The following CEP128 variants were observed in gnomAD, a reference collection of about 807,000 sequenced individuals.
CEP128 encodes the protein centrosomal protein 128kDa.
CEP128 carries 132 observed loss-of-function variants against 156.7 expected under a neutral mutation model. That is an observed-to-expected ratio of 0.84 (90% CI 0.73 to 0.97). The LOEUF is 0.97. Among genes scored for constraint, CEP128 ranks in the 50% least tolerant of loss-of-function variants. CEP128 has a pLI of 0.00. For synonymous variants in CEP128, 469 were observed against 448.9 expected (o/e 1.04, Z -0.57); for missense variants, 1,252 against 1,281.9 (o/e 0.98, Z 0.36).
chr14:80,581,761 G>A (rs1891603115), intron 19 of CEP128, among the ~76,000 whole-genome samples: 1 of 152,178 alleles, frequency 6.6e-6, no homozygotes, highest in Non-Finnish European at 1.5e-5. Context: ...ATCAGGTTCT[G>A]TAGCTATAAG....
At chr14:80,936,757 A>C (rs1159852701) in intron 2 of CEP128, among the ~76,000 whole-genome samples, 1 of 152,216 alleles carries the variant, frequency 6.6e-6, no homozygotes, top group African/African-American at 2.4e-5. Flanking sequence ...AATTCACAGA[A>C]ATCAAATGAC....
chr14:80,549,395 T>C (rs929495539), intron 21 of CEP128, among the ~76,000 whole-genome samples: 3 of 152,212 alleles, frequency 2.0e-5, no homozygotes, highest in Non-Finnish European at 4.4e-5. Context: ...CACCTGATTC[T>C]GGGTCAAAAC....
chr14:80,701,311 A>G (rs1053838987), intron 19 of CEP128, among the ~76,000 whole-genome samples: 1 of 152,124 alleles, frequency 6.6e-6, no homozygotes, highest in Non-Finnish European at 1.5e-5. Flanking sequence ...GAGGGTATGG[A>G]ACAGACTCTC....
intron 19 of CEP128, among the ~76,000 whole-genome samples, chr14:80,733,342 G>A (rs1051528991): frequency 1.5e-4 from 4 of 27,306 alleles, no homozygotes; most frequent in African/African-American, 4.9e-4. Context: ...CATGGGTCGT[G>A]TGTGTGTGTG....
At position 80,785,038 on chromosome 14, in the gene CEP128, G is replaced by T. The variant is rs750252336; in HGVS notation, c.2068C>A (p.Arg690=). 1 of 1,614,156 alleles carries T rather than the reference G, an allele frequency of 6.2e-7. No homozygotes were observed. Among genetic ancestry groups the T allele is most frequent in the Non-Finnish European group, 8.5e-7 (1 of 1,180,002 alleles). ...ATIITQLKLE[R]DVHQRELKDL... ...TTCAGCTCCCTCTGGTGCACATCTC[G>T]TTCCAGCTTTAACTGTGTGATGATT... The change falls in exon 15 of 25, where the codon CGA becomes AGA. Residue 690 remains arginine (R), a synonymous_variant. Coordinates refer to ENST00000555265, the MANE Select transcript of CEP128 (RefSeq NM_152446.5).
intron 2 of CEP128, among the ~76,000 whole-genome samples, chr14:80,921,269 C>CATGAAGGCTCCTCCCTTATGAATGGATTA (rs1372921832): frequency 7.9e-5 from 12 of 152,094 alleles, no homozygotes; most frequent in Admixed American, 7.2e-4. Context: ...GTGATTGGGT[C>CATGAAGGCTCCTCCCTTATGAATGGATTA]ATGAAGGCTC....
At chr14:80,878,198 G>A (rs1349899556) in intron 8 of CEP128, among the ~76,000 whole-genome samples, 1 of 152,126 alleles carries the variant, frequency 6.6e-6, no homozygotes, top group African/African-American at 2.4e-5. Context: ...GGAATCCAGA[G>A]GCTCTACTGA....
At position 80,793,100 on chromosome 14, in the gene CEP128, C is replaced by T. The variant is rs779284511; in HGVS notation, c.1220G>A (p.Arg407His). Residue 407 changes from arginine to histidine, a missense_variant, in exon 14 of 25, where the codon CGT becomes CAT. Coordinates refer to ENST00000555265, the MANE Select transcript of CEP128 (RefSeq NM_152446.5). ...HLASQVENLT[R>H]ELENGEKQQL... is the part of the protein sequence containing the mutation. Reference sequence around the variant, plus strand: ...CTGTTTTTCCCCATTCTCCAGTTCACGTGTTAAATTCTACGAATAAAGCAT... The same window carrying T: ...CTGTTTTTCCCCATTCTCCAGTTCATGTGTTAAATTCTACGAATAAAGCAT... The T allele has an allele frequency of 3.7e-6, 6 of 1,608,772 alleles. No individual in the cohort carries two copies. Among genetic ancestry groups the T allele is most frequent in the East Asian group, 2.2e-5 (1 of 44,764 alleles).
intron 19 of CEP128, among the ~76,000 whole-genome samples, chr14:80,615,602 G>A (rs1438403056): frequency 1.3e-5 from 2 of 152,080 alleles, no homozygotes; most frequent in African/African-American, 2.4e-5. Context: ...AAGAAGTGAC[G>A]GCATTGGGAG....
At chr14:80,602,857 T>C (rs1892635501) in intron 19 of CEP128, among the ~76,000 whole-genome samples, 2 of 152,014 alleles carry the variant, frequency 1.3e-5, no homozygotes, top group Non-Finnish European at 2.9e-5. Context: ...TTTTAGAAAG[T>C]AGTAACAGAA....
intron 13 of CEP128, among the ~76,000 whole-genome samples, chr14:80,814,797 G>A (rs1334241033): frequency 6.6e-6 from 1 of 152,176 alleles, no homozygotes; most frequent in Non-Finnish European, 1.5e-5. Flanking sequence ...GGTGGCTCAT[G>A]CCTGTAATCC....
At chr14:80,784,134 T>TA (rs1205684477) in intron 15 of CEP128, among the ~76,000 whole-genome samples, 1 of 152,196 alleles carries the variant, frequency 6.6e-6, no homozygotes, top group Non-Finnish European at 1.5e-5. Flanking sequence ...AATAGATATT[T>TA]ACAATGTTCC....
intron 19 of CEP128, among the ~76,000 whole-genome samples, chr14:80,716,606 C>T (rs1897615238): frequency 6.6e-6 from 1 of 152,120 alleles, no homozygotes. Context: ...AAATAATAGT[C>T]CACTGTATGA....
At chr14:80,641,972 C>T (rs1308924458) in intron 19 of CEP128, among the ~76,000 whole-genome samples, 2 of 151,410 alleles carry the variant, frequency 1.3e-5, no homozygotes, top group African/African-American at 2.4e-5. Flanking sequence ...CACCTGTAGT[C>T]CCAGCTACTC....
intron 19 of CEP128, among the ~76,000 whole-genome samples, chr14:80,673,799 T>C (rs1219869301): frequency 6.6e-6 from 1 of 151,794 alleles, no homozygotes; most frequent in Non-Finnish European, 1.5e-5. Context: ...TCTCTCTCTT[T>C]TTTTTTTAGC....
chr14:80,598,611 A>G (rs1171400642), intron 19 of CEP128, among the ~76,000 whole-genome samples: 1 of 152,178 alleles, frequency 6.6e-6, no homozygotes, highest in African/African-American at 2.4e-5. Context: ...GTAGCTAACA[A>G]CAAGATTATT....
chr14:80,789,239 A>G (rs1406621408), intron 14 of CEP128, among the ~76,000 whole-genome samples: 1 of 152,172 alleles, frequency 6.6e-6, no homozygotes. Context: ...GAAACTGGCT[A>G]GTAAACCAGA....
intron 8 of CEP128, among the ~76,000 whole-genome samples, chr14:80,891,753 C>T (rs1889112458): frequency 6.6e-6 from 1 of 151,470 alleles, no homozygotes; most frequent in South Asian, 2.1e-4. Flanking sequence ...TCCCATTTAC[C>T]CTGATGTGAT....
chr14:80,809,924 G>A (rs80069064), intron 13 of CEP128, among the ~76,000 whole-genome samples: 3,554 of 151,558 alleles, frequency 0.023, 63 homozygotes, highest in Non-Finnish European at 0.038. Context: ...CACTGAAAAA[G>A]CAAACATAAA....
Sources: gnomAD v4.1 joint callset for allele counts (sites outside exome capture counted in the v4.1 genomes callset) on GRCh38, gnomAD v4.1.1 for gene constraint, MANE v1.5 for transcripts, NCBI Gene and HGNC (gene_info 2026-07-23, HGNC 2026-07-21) for gene names.